The following RANBP3L variants were observed in gnomAD, a reference collection of about 807,000 sequenced individuals.
RANBP3L encodes the protein ran-binding protein 3-like.
RANBP3L carries 56 observed loss-of-function variants against 67.2 expected under a neutral mutation model. The observed-to-expected ratio is 0.83, with a 90% CI of 0.67 to 1.04. The LOEUF is 1.04. Ranked by LOEUF, RANBP3L falls within the 50% of genes least tolerant of loss-of-function variation. The pLI, the probability that RANBP3L is intolerant of heterozygous loss-of-function variation, is 0.00. For missense variants in RANBP3L, 496 were observed against 535.5 expected (o/e 0.93, Z 0.73); for synonymous variants, 164 against 181.4 (o/e 0.90, Z 0.77).
At chr5:36,276,653 C>T (rs1192392494) in intron 1 of RANBP3L, among the ~76,000 whole-genome samples, 1 of 151,996 alleles carries the variant, frequency 6.6e-6, no homozygotes. Flanking sequence ...TAAGGTGTCC[C>T]TACCTTTTAT....
chr5:36,299,365 G>GTGTATA lies in RANBP3L; in HGVS notation c.91+1960_91+1961insTATACA, dbSNP rs1554021667. Among the ~76,000 whole-genome samples the GTGTATA allele has an allele frequency of 1.4e-3, 213 of 148,112 alleles. 1 individual carries two copies. The highest frequency in any genetic ancestry group is 5.0e-3 in the African/African-American group (197 of 39,540). ...TGTGTGTGTGTGTGTGTGTGTGTGTGTATATATCCTATTAGTTCTGTCCCT... is the reference window on the plus strand; with the variant it reads ...TGTGTGTGTGTGTGTGTGTGTGTGTGTGTATATATATATCCTATTAGTTCTGTCCCT... On this transcript the variant is annotated intron_variant, in intron 1 of 13. Transcript: ENST00000296604.
At chr5:36,258,239 G>A (rs1749135658) in intron 8 of RANBP3L, among the ~76,000 whole-genome samples, 1 of 152,124 alleles carries the variant, frequency 6.6e-6, no homozygotes, top group Non-Finnish European at 1.5e-5. Context: ...CACAAAAAAA[G>A]ACTAATTGAC....
At chr5:36,264,870 C>A in intron 6 of RANBP3L, 89 bp downstream of exon 6, 1 of 1,149,806 alleles carries the variant, frequency 8.7e-7, no homozygotes, top group Non-Finnish European at 1.3e-6. Context: ...GCTCAGACAA[C>A]TCCTATTTCT....
rs762858150 is a variant in RANBP3L, at chr5:36,257,554, A to C, written c.672T>G (p.Gly224=). The part of the protein sequence containing the change: ...FGENMVERVL[G]TQKLTQPQLE... ...GTTGAGGCTGGGTGAGTTTTTGAGT[A>C]CCCTGAGAGCGGAAAAAGATGCATT... The change falls in exon 9 of 14, where the codon GGT becomes GGG. Residue 224 remains glycine, a splice_region_variant and synonymous_variant. Transcript: ENST00000296604. The C allele has an allele frequency of 6.8e-7, 1 of 1,461,498 alleles. No individual in the cohort carries two copies. The highest frequency in any genetic ancestry group is 1.8e-5 in the Admixed American group (1 of 56,336). 90.5% of individuals were successfully genotyped at this position (1,461,498 alleles called of 1,614,324 possible). A position where few individuals can be genotyped will look rare whatever the true frequency, so the allele number is the denominator to read the frequency against.
In RANBP3L at chr5:36,285,797, G is replaced by A. The variant is rs182969935; in HGVS notation, c.92-14486C>T. The stretch of plus-strand genomic sequence containing the variant: ...TCTCAATCAATATCCGAGCCTTTGA[G>A]ATTTAGCATCATCAACATCAGAAAT... On this transcript the variant is annotated intron_variant, in intron 1 of 13. Coordinates refer to ENST00000296604, the MANE Select transcript of RANBP3L (RefSeq NM_145000.5). Among the ~76,000 whole-genome samples, 52 of 149,878 alleles carry A rather than the reference G, an allele frequency of 3.5e-4. 1 individual carries two copies. In the East Asian group the frequency reaches 7.7e-3, roughly 22 times the overall value.
At chr5:36,269,321 A>G in intron 4 of RANBP3L, 69 bp downstream of exon 4, 1 of 920,982 alleles carries the variant, frequency 1.1e-6, no homozygotes, top group South Asian at 1.4e-5. Context: ...CCTTTTGAAA[A>G]GTTTCTCAGT....
At chr5:36,262,934 A>G (rs1749500976) in intron 6 of RANBP3L, among the ~76,000 whole-genome samples, 1 of 152,204 alleles carries the variant, frequency 6.6e-6, no homozygotes, top group Non-Finnish European at 1.5e-5. Flanking sequence ...TTAGGCATAT[A>G]TTGTTTAATC....
chr5:36,290,541 AG>A (rs1751658901), intron 1 of RANBP3L, among the ~76,000 whole-genome samples: 1 of 151,860 alleles, frequency 6.6e-6, no homozygotes. Flanking sequence ...TGATTAATCT[AG>A]GTAGGGGTTT....
At chr5:36,291,355 TTTTTA>T (rs1162527696) in intron 1 of RANBP3L, among the ~76,000 whole-genome samples, 115 of 151,204 alleles carry the variant, frequency 7.6e-4, no homozygotes, top group Middle Eastern at 3.4e-3. Flanking sequence ...ATTTTTTATT[TTTTTA>T]TTTTTATTTT....
At chr5:36,251,535 T>C in intron 12 of RANBP3L, 36 bp from the exon 13 acceptor site, 6 of 1,496,160 alleles carry the variant, frequency 4.0e-6, no homozygotes, top group Non-Finnish European at 4.5e-6. Flanking sequence ...AGAAAATCAT[T>C]AATATGTTAG....
chr5:36,300,050 T>A (rs1579809594), intron 1 of RANBP3L, among the ~76,000 whole-genome samples: 1 of 152,212 alleles, frequency 6.6e-6, no homozygotes, highest in Non-Finnish European at 1.5e-5. Flanking sequence ...CCAAATTTTC[T>A]ATTAAAATTA....
chr5:36,265,432 A>G lies in RANBP3L; in HGVS notation c.340+17T>C. ...AAATATACAATTTCTGAGGTTCTTG[A>G]AATAGAAGCTACATACCTTGTTCAG... On this transcript the variant is annotated intron_variant, in intron 5 of 13. Coordinates refer to ENST00000296604, the MANE Select transcript of RANBP3L (RefSeq NM_145000.5). The G allele has an allele frequency of 6.6e-7, 1 of 1,516,738 alleles. No individual in the cohort carries two copies. Among genetic ancestry groups the G allele is most frequent in the Non-Finnish European group, 9.1e-7 (1 of 1,101,804 alleles). The allele number at this position is 1,516,738 out of a possible 1,614,324, so 94.0% of individuals were successfully genotyped here.
chr5:36,256,653 T>G, intron 10 of RANBP3L: 1 of 377,728 alleles, frequency 2.6e-6, no homozygotes. Flanking sequence ...ATAGCACCAA[T>G]TGTAAAAGCA....
chr5:36,289,604 C>A (rs774683808), intron 1 of RANBP3L, among the ~76,000 whole-genome samples: 1 of 152,112 alleles, frequency 6.6e-6, no homozygotes, highest in African/African-American at 2.4e-5. Flanking sequence ...AAGTCTTGCA[C>A]GTATTTTGTT....
intron 11 of RANBP3L, 76 bp downstream of exon 11, chr5:36,255,394 T>A: frequency 7.2e-7 from 1 of 1,383,954 alleles, no homozygotes; most frequent in Non-Finnish European, 9.8e-7. Context: ...CAGAAAATGA[T>A]GTGTACCTAT....
At chr5:36,269,568 G>GACCATCA (rs1400453734) in intron 3 of RANBP3L, 101 bp from the exon 4 acceptor site, 1 of 738,580 alleles carries the variant, frequency 1.4e-6, no homozygotes, top group Non-Finnish European at 2.4e-6. Context: ...TGTCTACACA[G>GACCATCA]ACCATCATTT....
rs1037532808 is a variant in RANBP3L at position 36,248,983 on chromosome 5, A to G, written c.*671T>C. The G allele has an allele frequency of 6.6e-6, 1 of 152,146 alleles. No homozygotes were observed. Among genetic ancestry groups the G allele is most frequent in the African/African-American group, 2.4e-5 (1 of 41,454 alleles). 9.4% of individuals were successfully genotyped at this position (152,146 alleles called of 1,614,324 possible). On this transcript the variant is annotated 3_prime_UTR_variant, in exon 14 of 14. Transcript: ENST00000296604. ...GTTAACATATTTGGCTTTCTTACAC[A>G]TGCTTTTTGATACATAGGTAATGTA...
At chr5:36,291,285 A>C (rs926524102) in intron 1 of RANBP3L, among the ~76,000 whole-genome samples, 131 of 152,110 alleles carry the variant, frequency 8.6e-4, no homozygotes, top group African/African-American at 3.1e-3. Flanking sequence ...ATGTAAGTGG[A>C]ATCAGACAGT....
At chr5:36,268,727 T>C (rs987522857) in intron 4 of RANBP3L, among the ~76,000 whole-genome samples, 4 of 151,808 alleles carry the variant, frequency 2.6e-5, no homozygotes, top group South Asian at 4.2e-4. Flanking sequence ...TTTTTTTTTT[T>C]CTTAGGAGTC....
Sources: allele counts gnomAD v4.1 joint callset (sites outside exome capture counted in the v4.1 genomes callset), GRCh38; gene constraint gnomAD v4.1.1; transcripts MANE v1.5; gene names NCBI Gene and HGNC (gene_info 2026-07-23, HGNC 2026-07-21).